STK4: variants seen among roughly 807,000 people sequenced by gnomAD.
STK4 encodes serine/threonine-protein kinase 4.
STK4 carries 30 observed loss-of-function variants against 64.9 expected under a neutral mutation model. The observed-to-expected ratio is 0.46, with a 90% CI of 0.35 to 0.63. The LOEUF (loss-of-function observed/expected upper bound fraction) is 0.63, where lower values mean the gene tolerates loss of function less well. Among genes scored for constraint, STK4 ranks in the 20% least tolerant of loss-of-function variants. STK4 has a pLI of 0.01. For synonymous variants in STK4, 177 were observed against 199.0 expected, an observed-to-expected ratio of 0.89 and a Z score of 0.93; for missense variants, 466 against 598.5, an observed-to-expected ratio of 0.78 and a Z score of 2.31.
intron 9 of STK4, among the ~76,000 whole-genome samples, chr20:45,006,915 T>A (rs1183960839): frequency 1.3e-5 from 2 of 152,244 alleles, no homozygotes; most frequent in African/African-American, 4.8e-5. Flanking sequence ...TTTGCACATC[T>A]GCCTTAAAGC....
intron 3 of STK4, 83 bp downstream of exon 3, chr20:44,978,654 T>A: frequency 7.1e-7 from 1 of 1,405,624 alleles, no homozygotes; most frequent in Non-Finnish European, 9.4e-7. Flanking sequence ...TAGAGACACA[T>A]TTACTTAGAT....
chr20:45,062,913 A>G (rs561388858), intron 10 of STK4, among the ~76,000 whole-genome samples: 16 of 141,068 alleles, frequency 1.1e-4, no homozygotes, highest in Non-Finnish European at 2.3e-4. Context: ...AACGGTCTCA[A>G]TCTCCTGACC....
At chr20:45,043,467 G>A (rs2068645068) in intron 10 of STK4, among the ~76,000 whole-genome samples, 1 of 152,232 alleles carries the variant, frequency 6.6e-6, no homozygotes, top group South Asian at 2.1e-4. Flanking sequence ...GTAGCTGTGG[G>A]CCACTTACCT....
chr20:44,992,711 T>C (rs1243866088), intron 5 of STK4, among the ~76,000 whole-genome samples: 3 of 152,006 alleles, frequency 2.0e-5, no homozygotes, highest in Admixed American at 1.3e-4. Context: ...TGTTTTTTGT[T>C]TTTGAGACAG....
chr20:44,977,836 A>C (rs749979109), intron 2 of STK4, among the ~76,000 whole-genome samples: 4 of 152,352 alleles, frequency 2.6e-5, no homozygotes, highest in South Asian at 4.1e-4. Flanking sequence ...ATTAGTTTCC[A>C]TAATATTTTA....
In STK4 at chr20:44,995,107, G is replaced by A. The variant is rs769030443; in HGVS notation, c.543G>A (p.Arg181=). The A allele has an allele frequency of 1.2e-6, 2 of 1,608,726 alleles. No individual in the cohort carries two copies. The highest frequency in any genetic ancestry group is 1.3e-5 in the African/African-American group (1 of 74,526). ...AGQLTDTMAK[R]NTVIGTPFWM... Reference sequence around the variant, plus strand: ...TATTTTAGGATACCATGGCCAAGCGGAATACAGTGATAGGAACACCATTTT... The same window carrying A: ...TATTTTAGGATACCATGGCCAAGCGAAATACAGTGATAGGAACACCATTTT... Residue 181 remains arginine (R), a synonymous_variant, in exon 6 of 11, where the codon CGG becomes CGA. Transcript: ENST00000372806.
At chr20:44,973,814 G>A (rs2067293191) in intron 2 of STK4, among the ~76,000 whole-genome samples, 1 of 152,126 alleles carries the variant, frequency 6.6e-6, no homozygotes, top group Non-Finnish European at 1.5e-5. Flanking sequence ...GAGGTAATTG[G>A]GGTAAAGTAT....
At chr20:44,988,533 GTATATA>G (rs71197589) in intron 5 of STK4, among the ~76,000 whole-genome samples, 3,824 of 101,568 alleles carry the variant, frequency 0.038, 102 homozygotes, top group Non-Finnish European at 0.041. Context: ...ATGTGTGTGT[GTATATA>G]TATATATATA....
intron 5 of STK4, among the ~76,000 whole-genome samples, chr20:44,992,313 C>T (rs1210293219): frequency 6.6e-6 from 1 of 151,640 alleles, no homozygotes; most frequent in African/African-American, 2.4e-5. Context: ...GGCTGGAGTA[C>T]AGTGGCATGA....
At chr20:45,021,430 A>T (rs1430964492) in intron 9 of STK4, among the ~76,000 whole-genome samples, 2 of 152,232 alleles carry the variant, frequency 1.3e-5, no homozygotes, top group East Asian at 3.8e-4. Flanking sequence ...TTAACATGTC[A>T]GTAAAGCACT....
At chr20:44,982,904 A>T (rs1479600708) in intron 4 of STK4, among the ~76,000 whole-genome samples, 1 of 149,498 alleles carries the variant, frequency 6.7e-6, no homozygotes, top group Admixed American at 6.6e-5. Flanking sequence ...TACTATGAGG[A>T]AAATGAATGA....
chr20:45,000,159 G>C (rs768612347), intron 7 of STK4, among the ~76,000 whole-genome samples: 1 of 152,168 alleles, frequency 6.6e-6, no homozygotes, highest in African/African-American at 2.4e-5. Flanking sequence ...ATTTGACAGA[G>C]AGAAATGGCA....
At chr20:44,993,152 A>G (rs1254564668) in intron 5 of STK4, among the ~76,000 whole-genome samples, 1 of 151,034 alleles carries the variant, frequency 6.6e-6, no homozygotes, top group Non-Finnish European at 1.5e-5. Context: ...TTCATAATCT[A>G]TTCTTTGCTT....
At chr20:44,987,072 T>C in intron 4 of STK4, 60 bp from the exon 5 acceptor site, 1 of 1,400,010 alleles carries the variant, frequency 7.1e-7, no homozygotes, top group Non-Finnish European at 9.7e-7. Flanking sequence ...TGATTTTTTC[T>C]CCTTTTTCTA....
intron 9 of STK4, among the ~76,000 whole-genome samples, chr20:45,006,494 G>A (rs1451754338): frequency 6.6e-6 from 1 of 151,414 alleles, no homozygotes; most frequent in Admixed American, 6.6e-5. Context: ...GTGTTTTTTG[G>A]GTCTAATTTT....
At chr20:45,004,938 T>C (rs913294360) in intron 9 of STK4, among the ~76,000 whole-genome samples, 1 of 151,768 alleles carries the variant, frequency 6.6e-6, no homozygotes, top group African/African-American at 2.4e-5. Flanking sequence ...TCAGCCAATT[T>C]TTTTTTGTAT....
At chr20:44,995,415 G>A (rs903236943) in intron 6 of STK4, among the ~76,000 whole-genome samples, 158 bp downstream of exon 6, 18 of 152,036 alleles carry the variant, frequency 1.2e-4, no homozygotes, top group Non-Finnish European at 2.9e-5. Context: ...AGACCAACCT[G>A]GCCAACATGG....
chr20:45,018,932 A>G (rs1469939536), intron 9 of STK4, among the ~76,000 whole-genome samples: 3 of 152,006 alleles, frequency 2.0e-5, no homozygotes, highest in Non-Finnish European at 4.4e-5. Context: ...GGGTCTCACT[A>G]TGTTGCTCAG....
chr20:45,068,168 G>A (rs1394504298), intron 10 of STK4, among the ~76,000 whole-genome samples: 1 of 152,190 alleles, frequency 6.6e-6, no homozygotes, highest in Non-Finnish European at 1.5e-5. Context: ...GCACATATTA[G>A]ATGATTTATG....
Sources: gnomAD v4.1 joint callset for allele counts (sites outside exome capture counted in the v4.1 genomes callset) on GRCh38, gnomAD v4.1.1 for gene constraint, MANE v1.5 for transcripts, NCBI Gene and HGNC (gene_info 2026-07-23, HGNC 2026-07-21) for gene names.